The following KDM3B variants were observed in gnomAD, a reference collection of about 807,000 sequenced individuals.
KDM3B encodes lysine-specific demethylase 3B.
KDM3B carries 10 observed loss-of-function variants against 170.0 expected under a neutral mutation model. The ratio of observed to expected loss-of-function variants is 0.06; its 90% CI spans 0.04 to 0.10. The LOEUF (loss-of-function observed/expected upper bound fraction) is 0.10, where lower values mean the gene tolerates loss of function less well. KDM3B is among the 10% of genes least tolerant of loss of function. KDM3B has a pLI of 1.00. For missense variants in KDM3B, 1,394 were observed against 2,195.2 expected (o/e 0.64, Z 7.29); for synonymous variants, 831 against 834.8 (o/e 1.00, Z 0.08).
chr5:138,420,987 C>T, intron 15 of KDM3B, 25 bp downstream of exon 15: 1 of 1,611,408 alleles, frequency 6.2e-7, no homozygotes, highest in Non-Finnish European at 8.5e-7. Flanking sequence ...CAACTGTAGC[C>T]TTTTCAGCTT....
chr5:138,353,279 A>G (rs1017198327), intron 1 of KDM3B, among the ~76,000 whole-genome samples: 1 of 152,124 alleles, frequency 6.6e-6, no homozygotes. Context: ...GTTCCCCCCA[A>G]CACGCCTTCG....
intron 11 of KDM3B, among the ~76,000 whole-genome samples, chr5:138,414,672 A>G (rs1180420440): frequency 6.6e-6 from 1 of 152,162 alleles, no homozygotes; most frequent in Middle Eastern, 3.2e-3. Context: ...ATTATACCTT[A>G]GGTTGGGCAC....
At chr5:138,374,962 T>C in intron 2 of KDM3B, 131 bp from the exon 3 acceptor site, 1 of 596,358 alleles carries the variant, frequency 1.7e-6, no homozygotes, top group Non-Finnish European at 3.1e-6. Context: ...TCCAAGGACT[T>C]ATGCTTTAGC....
At chr5:138,435,545 T>A in intron 23 of KDM3B, 75 bp from the exon 24 acceptor site, 9 of 1,174,744 alleles carry the variant, frequency 7.7e-6, no homozygotes, top group Non-Finnish European at 1.1e-5. Context: ...ACTAAACCAG[T>A]AGGCTTACAG....
At position 138,420,694 on chromosome 5, in the gene KDM3B, A is replaced by G. The variant is rs200991073; in HGVS notation, c.3716-12A>G. 1.0e-3 allele frequency: 1,614 copies of G among 1,613,614 alleles called. 4 individuals are homozygous for G. Among genetic ancestry groups the G allele is most frequent in the South Asian group, 4.3e-3 (388 of 91,068 alleles). ...TTTGTACCTAATGCTGTTCCTGGTT[A>G]TGTTCTTACAGAAGCAGGGTCCCTG... On this transcript the variant is annotated splice_polypyrimidine_tract_variant and intron_variant, in intron 14 of 23. Coordinates refer to ENST00000314358, the MANE Select transcript of KDM3B (RefSeq NM_016604.4).
chr5:138,352,775 C>G lies in KDM3B; in HGVS notation c.-21C>G. ...TGGTGGGAGGCGGCGGGCGGGAGCG[C>G]GGGTCAGGCCGGCCCCGGCGATGGC... On this transcript the variant is annotated 5_prime_UTR_variant, in exon 1 of 24. Transcript: ENST00000314358. 1 of 1,216,222 alleles carries G rather than the reference C, an allele frequency of 8.2e-7. No homozygotes were observed. The highest frequency in any genetic ancestry group is 1.0e-6 in the Non-Finnish European group (1 of 980,756). The allele number at this position is 1,216,222 out of a possible 1,614,324, so 75.3% of individuals were successfully genotyped here.
chr5:138,398,096 CT>C (rs1340631092), intron 9 of KDM3B, 81 bp from the exon 10 acceptor site: 6 of 1,054,544 alleles, frequency 5.7e-6, no homozygotes, highest in Non-Finnish European at 8.4e-6. Context: ...TCTCATTTTA[CT>C]TCTGTTTAGG....
intron 23 of KDM3B, among the ~76,000 whole-genome samples, chr5:138,433,992 G>A (rs1046266518): frequency 2.5e-4 from 38 of 152,184 alleles, no homozygotes; most frequent in Admixed American, 2.0e-3. Context: ...CACCTGCCTC[G>A]GCTTCCCAAA....
At chr5:138,431,338 G>A in intron 22 of KDM3B, 87 bp from the exon 23 acceptor site, 1 of 1,138,746 alleles carries the variant, frequency 8.8e-7, no homozygotes, top group Non-Finnish European at 1.2e-6. Flanking sequence ...TTTCTCAAGG[G>A]TTTTTTTAAC....
At position 138,417,506 on chromosome 5, in the gene KDM3B, G is replaced by A. The variant is rs768131606; in HGVS notation, c.3331G>A (p.Val1111Ile). 6.2e-7 allele frequency: 1 copy of A among 1,614,080 alleles called. No individual in the cohort carries two copies. Among genetic ancestry groups the A allele is most frequent in the Non-Finnish European group, 8.5e-7 (1 of 1,179,990 alleles). Residue 1111 changes from valine (V) to isoleucine (I), a missense_variant, in exon 13 of 24, where the codon GTA becomes ATA. By Grantham distance (29) the Val-to-Ile change is conservative. Transcript: ENST00000314358. ...GTALYNIGDM[V>I]HAARGKWGIK... ...AGCTCTTTACAATATTGGAGACATG[G>A]TACATGCTGCCCGGGGCAAGTGGGG...
At chr5:138,426,609 G>A (rs1317512286) in intron 17 of KDM3B, 2 of 173,886 alleles carry the variant, frequency 1.2e-5, no homozygotes, top group Non-Finnish European at 1.2e-5. Context: ...TAGTCTCCTA[G>A]GCTGGGCGCA....
At chr5:138,370,148 T>C (rs1386402189) in intron 1 of KDM3B, among the ~76,000 whole-genome samples, 1 of 152,228 alleles carries the variant, frequency 6.6e-6, no homozygotes, top group Non-Finnish European at 1.5e-5. Context: ...AGCCTATTTA[T>C]ATATTAAATA....
At position 138,419,028 on chromosome 5, in the gene KDM3B, A is replaced by G. The variant is rs143446358; in HGVS notation, c.3511A>G (p.Thr1171Ala). ...FSGGGGPAPV[T>A]TPEPDHVPKA... Reference sequence around the variant, plus strand: ...TGGTGGAGGAGGACCGGCACCAGTAACAACTCCAGAGCCGGACCATGTTCC... The same window carrying G: ...TGGTGGAGGAGGACCGGCACCAGTAGCAACTCCAGAGCCGGACCATGTTCC... Residue 1171 changes from threonine (T) to alanine (A), a missense_variant, in exon 14 of 24, where the codon ACA becomes GCA. Transcript: ENST00000314358. The G allele has an allele frequency of 4.5e-5, 73 of 1,614,222 alleles. No individual in the cohort carries two copies. The highest frequency in any genetic ancestry group is 3.3e-4 in the Middle Eastern group (2 of 6,062).
At chr5:138,362,792 GGTTT>G (rs1438221804) in intron 1 of KDM3B, among the ~76,000 whole-genome samples, 4 of 148,728 alleles carry the variant, frequency 2.7e-5, no homozygotes, top group Non-Finnish European at 4.5e-5. Flanking sequence ...ACAACGTGCA[GGTTT>G]GTTACATATG....
chr5:138,425,729 C>T lies in KDM3B; in HGVS notation c.4411+147C>T, dbSNP rs1475969921. The T allele has an allele frequency of 4.3e-5, 31 of 727,994 alleles. 1 individual carries two copies. In the South Asian group the frequency reaches 4.7e-4, roughly 11 times the overall value. 45.1% of individuals were successfully genotyped at this position (727,994 alleles called of 1,614,324 possible). A position where few individuals can be genotyped will look rare whatever the true frequency, so the allele number is the denominator to read the frequency against. ...GAATAAAAAATTAAAAACAGACAGC[C>T]GGGCGTGGTTGCTCGCTCCTGTAAT... On this transcript the variant is annotated intron_variant, in intron 17 of 23. Coordinates refer to ENST00000314358, the MANE Select transcript of KDM3B (RefSeq NM_016604.4).
intron 1 of KDM3B, among the ~76,000 whole-genome samples, chr5:138,362,610 C>T (rs10055995): frequency 0.6 from 89,667 of 149,762 alleles, 27,176 homozygotes; most frequent in East Asian, 0.86. Flanking sequence ...GAATAGTGTA[C>T]GTGGTTTACT....
chr5:138,367,047 G>T (rs1205694276), intron 1 of KDM3B, among the ~76,000 whole-genome samples: 1 of 152,142 alleles, frequency 6.6e-6, no homozygotes, highest in Non-Finnish European at 1.5e-5. Context: ...TCTGCCAGAA[G>T]GATGCAGCTT....
At chr5:138,408,853 C>T (rs1160092312) in intron 11 of KDM3B, among the ~76,000 whole-genome samples, 2 of 152,148 alleles carry the variant, frequency 1.3e-5, no homozygotes, top group African/African-American at 4.8e-5. Context: ...GCTATGCATT[C>T]TCATCAGGTG....
chr5:138,429,059 G>A (rs1329210859), intron 20 of KDM3B, among the ~76,000 whole-genome samples: 3 of 150,856 alleles, frequency 2.0e-5, no homozygotes, highest in Non-Finnish European at 4.4e-5. Context: ...TGGGCCTACA[G>A]GCAAGGCCAC....
Sources: allele counts gnomAD v4.1 joint callset (sites outside exome capture counted in the v4.1 genomes callset), GRCh38; gene constraint gnomAD v4.1.1; transcripts MANE v1.5; gene names NCBI Gene and HGNC (gene_info 2026-07-23, HGNC 2026-07-21).